Variants in KCNIP3 observed in about 807,000 individuals in gnomAD.
KCNIP3 encodes the protein calsenilin.
Under a neutral mutation model 35.0 loss-of-function variants are expected in KCNIP3, and 28 were observed. The observed-to-expected ratio is 0.80, with a 90% CI of 0.59 to 1.10. The LOEUF (loss-of-function observed/expected upper bound fraction) is 1.10, where lower values mean the gene tolerates loss of function less well. Ranked by LOEUF, KCNIP3 falls within the 50% of genes least tolerant of loss-of-function variation. The probability of loss-of-function intolerance (pLI) is 0.00; values close to 1 mark genes in which losing one functional copy is unlikely to be tolerated. For synonymous variants in KCNIP3, 134 were observed against 133.8 expected, an observed-to-expected ratio of 1.00 and a Z score of -0.01; for missense variants, 295 against 338.4, an observed-to-expected ratio of 0.87 and a Z score of 1.01.
Position 95,381,700 on chromosome 2 carries a change from A to G in KCNIP3, c.552A>G (p.Lys184=), listed in dbSNP as rs751712518. Residue 184 remains lysine (K), a synonymous_variant, in exon 6 of 9, where the codon AAA becomes AAG. Transcript: ENST00000295225. ...TTAACAAGGATGGCTACATCACCAA[A>G]GAGGTAGTAGGGGGCTGGGGGCAGG... ...YDINKDGYIT[K]EEMLAIMKSI... 5 of 1,607,368 alleles carry G rather than the reference A, an allele frequency of 3.1e-6. No homozygotes were observed. In the South Asian group the frequency reaches 4.4e-5, roughly 14 times the overall value.
intron 2 of KCNIP3, among the ~76,000 whole-genome samples, chr2:95,319,101 A>G (rs1394363626): frequency 6.6e-6 from 1 of 152,226 alleles, no homozygotes; most frequent in Non-Finnish European, 1.5e-5. Flanking sequence ...CATGCATGAC[A>G]TTTTGAGAAG....
chr2:95,323,947 T>G (rs1193552734), intron 2 of KCNIP3, among the ~76,000 whole-genome samples: 1 of 152,166 alleles, frequency 6.6e-6, no homozygotes. Flanking sequence ...CAGGGCCACG[T>G]GCAGGGCTTC....
chr2:95,374,924 CTG>C lies in KCNIP3; in HGVS notation c.376+8_376+9del. Reference sequence around the variant, plus strand: ...CAGTTCTTCCCTCAGGGAGGTGAGTCTGAGGCAGGGCAGCCCTGCTGTGTCCC... The same window carrying C: ...CAGTTCTTCCCTCAGGGAGGTGAGTCAGGCAGGGCAGCCCTGCTGTGTCCC... On this transcript the variant is annotated splice_region_variant and intron_variant, in intron 4 of 8. Transcript: ENST00000295225. The C allele has an allele frequency of 6.2e-7, 1 of 1,613,796 alleles. No homozygotes were observed. Among genetic ancestry groups the C allele is most frequent in the East Asian group, 2.2e-5 (1 of 44,880 alleles).
intron 5 of KCNIP3, among the ~76,000 whole-genome samples, chr2:95,375,858 C>T (rs1243195710): frequency 2.0e-5 from 3 of 152,196 alleles, no homozygotes; most frequent in Non-Finnish European, 2.9e-5. Context: ...AAGCTGAAAC[C>T]GCTTTGGGGA....
intron 2 of KCNIP3, among the ~76,000 whole-genome samples, chr2:95,343,685 A>G (rs999352715): frequency 2.0e-5 from 3 of 152,212 alleles, no homozygotes; most frequent in Admixed American, 2.0e-4. Flanking sequence ...AACAAGATGG[A>G]AGATGCCGGG....
At chr2:95,367,842 A>G (rs564116715) in intron 2 of KCNIP3, among the ~76,000 whole-genome samples, 2 of 150,980 alleles carry the variant, frequency 1.3e-5, no homozygotes, top group Non-Finnish European at 2.9e-5. Flanking sequence ...GCTCACTGCA[A>G]CCTCTGCCTC....
At chr2:95,339,498 C>A (rs1196226444) in intron 2 of KCNIP3, among the ~76,000 whole-genome samples, 1 of 151,928 alleles carries the variant, frequency 6.6e-6, no homozygotes, top group African/African-American at 2.4e-5. Context: ...GCGGGAGAAT[C>A]ACTTGAACTC....
intron 2 of KCNIP3, chr2:95,311,372 A>T (rs1415428008): frequency 6.6e-6 from 1 of 152,336 alleles, no homozygotes; most frequent in African/African-American, 2.4e-5. Context: ...TATGGTGCGT[A>T]TAAGAGTCTG....
At chr2:95,352,805 C>T (rs917238529) in intron 2 of KCNIP3, among the ~76,000 whole-genome samples, 12 of 152,206 alleles carry the variant, frequency 7.9e-5, no homozygotes, top group African/African-American at 1.2e-4. Context: ...CTGGCAATGC[C>T]GGACCTTCCT....
intron 2 of KCNIP3, among the ~76,000 whole-genome samples, chr2:95,370,748 A>G (rs1010409858): frequency 2.0e-5 from 3 of 151,756 alleles, no homozygotes; most frequent in Non-Finnish European, 4.4e-5. Context: ...CTATGCTTAT[A>G]TTTGTCATTG....
intron 2 of KCNIP3, among the ~76,000 whole-genome samples, chr2:95,370,030 CTTTCT>C (rs1208640460): frequency 2.0e-5 from 3 of 152,070 alleles, no homozygotes; most frequent in African/African-American, 7.2e-5. Flanking sequence ...ATCTATTATG[CTTTCT>C]TTTCTTTATT....
chr2:95,326,258 ACACT>A lies in KCNIP3; in HGVS notation c.181+15742_181+15745del, dbSNP rs540071579. On this transcript the variant is annotated intron_variant, in intron 2 of 8. Transcript: ENST00000295225. ...ATACACACACACAACACTCACACAT[ACACT>A]CACACATACACTCACTACACATACA... Among the ~76,000 whole-genome samples, 456 of 60,372 alleles carry A rather than the reference ACACT, an allele frequency of 7.6e-3. 2 individuals carry two copies. The highest frequency in any genetic ancestry group is 0.04 in the African/African-American group (405 of 10,006). The allele number at this position is 60,372 out of a possible 152,430, so 39.6% of individuals were successfully genotyped here. A position where few individuals can be genotyped will look rare whatever the true frequency, so the allele number is the denominator to read the frequency against.
At chr2:95,346,127 G>A (rs1679350199) in intron 2 of KCNIP3, among the ~76,000 whole-genome samples, 1 of 152,234 alleles carries the variant, frequency 6.6e-6, no homozygotes, top group African/African-American at 2.4e-5. Context: ...ACCAACTTCT[G>A]CATTTTCAAA....
At chr2:95,313,693 C>T (rs1201057095) in intron 2 of KCNIP3, 2 of 152,106 alleles carry the variant, frequency 1.3e-5, no homozygotes, top group East Asian at 3.9e-4. Flanking sequence ...ATAATGTCAC[C>T]CACAAATAAC....
intron 2 of KCNIP3, among the ~76,000 whole-genome samples, chr2:95,364,227 A>G (rs763048565): frequency 1.2e-4 from 18 of 152,088 alleles, no homozygotes; most frequent in Admixed American, 3.9e-4. Flanking sequence ...TTTTTTGGTC[A>G]TCGTTTATTT....
chr2:95,302,457 A>G (rs7574862), intron 1 of KCNIP3, among the ~76,000 whole-genome samples: 117,182 of 152,224 alleles, frequency 0.77, 45,627 homozygotes, highest in African/African-American at 0.87. Flanking sequence ...GCAGATGGTG[A>G]GAGCCTCCCC....
chr2:95,304,448 G>A (rs1053201375), intron 1 of KCNIP3, among the ~76,000 whole-genome samples: 1 of 152,286 alleles, frequency 6.6e-6, no homozygotes, highest in Middle Eastern at 3.4e-3. Flanking sequence ...GCAGTGGGGA[G>A]CTGGAGAGTG....
intron 2 of KCNIP3, chr2:95,311,854 C>T (rs568819002): frequency 2.6e-5 from 4 of 152,224 alleles, no homozygotes; most frequent in African/African-American, 9.7e-5. Flanking sequence ...TCCACATGCA[C>T]CCCCAACTTC....
intron 2 of KCNIP3, among the ~76,000 whole-genome samples, chr2:95,329,900 G>A (rs1211050160): frequency 6.6e-6 from 1 of 152,184 alleles, no homozygotes; most frequent in African/African-American, 2.4e-5. Flanking sequence ...GTCTCCAAAC[G>A]CAAACCTGAA....
Sources: gnomAD v4.1 joint callset for allele counts (sites outside exome capture counted in the v4.1 genomes callset) on GRCh38, gnomAD v4.1.1 for gene constraint, MANE v1.5 for transcripts, NCBI Gene and HGNC (gene_info 2026-07-23, HGNC 2026-07-21) for gene names.